The following C1orf185 variants were observed in gnomAD, a reference collection of about 807,000 sequenced individuals.
The protein encoded by C1orf185 is chromosome 1 open reading frame 185, also known as uncharacterized protein C1orf185.
C1orf185 carries 13 observed loss-of-function variants against 16.1 expected under a neutral mutation model. That is an observed-to-expected ratio of 0.81 (90% CI 0.53 to 1.28). The LOEUF (loss-of-function observed/expected upper bound fraction) is 1.28, where lower values mean the gene tolerates loss of function less well. Among genes scored for constraint, C1orf185 ranks in the 50% most tolerant of loss-of-function variants. The probability of loss-of-function intolerance (pLI) is 0.00; values close to 1 mark genes in which losing one functional copy is unlikely to be tolerated. For missense variants in C1orf185, 220 were observed against 225.2 expected (o/e 0.98, Z 0.15); for synonymous variants, 80 against 76.9 (o/e 1.04, Z -0.21).
chr1:51,136,021 G>A (rs1646321377), intron 3 of C1orf185, among the ~76,000 whole-genome samples: 1 of 152,112 alleles, frequency 6.6e-6, no homozygotes, highest in African/African-American at 2.4e-5. Flanking sequence ...CAACAGTCAA[G>A]TTGAGAACCA....
chr1:51,108,338 A>T (rs779011043), intron 1 of C1orf185, among the ~76,000 whole-genome samples: 1 of 152,052 alleles, frequency 6.6e-6, no homozygotes, highest in Non-Finnish European at 1.5e-5. Flanking sequence ...TATGGGGTAC[A>T]GTGTGATATT....
At chr1:51,137,212 C>T (rs1646331780) in intron 3 of C1orf185, among the ~76,000 whole-genome samples, 1 of 152,070 alleles carries the variant, frequency 6.6e-6, no homozygotes, top group Non-Finnish European at 1.5e-5. Context: ...CAATGAGATA[C>T]CATCTCACCA....
intron 1 of C1orf185, among the ~76,000 whole-genome samples, chr1:51,102,681 T>A (rs2148005556): frequency 6.6e-6 from 1 of 152,220 alleles, no homozygotes; most frequent in South Asian, 2.1e-4. Flanking sequence ...TACTAGAGAT[T>A]TGTCCATTTT....
intron 3 of C1orf185, 34 bp from the exon 4 acceptor site, chr1:51,145,690 G>C: frequency 1.7e-6 from 2 of 1,176,148 alleles, no homozygotes; most frequent in Non-Finnish European, 2.3e-6. Context: ...AAATTATTCT[G>C]ATTTTAAAAC....
chr1:51,132,299 G>T (rs115275804), intron 3 of C1orf185, among the ~76,000 whole-genome samples: 16 of 152,268 alleles, frequency 1.1e-4, no homozygotes, highest in African/African-American at 3.9e-4. Context: ...AGATTACTGA[G>T]CTCCAGAAGT....
intron 2 of C1orf185, among the ~76,000 whole-genome samples, chr1:51,114,564 A>C (rs1557644282): frequency 6.6e-6 from 1 of 152,088 alleles, no homozygotes; most frequent in Admixed American, 6.6e-5. Flanking sequence ...CTCTATTAAA[A>C]ACACAAAAAT....
intron 1 of C1orf185, among the ~76,000 whole-genome samples, chr1:51,109,051 G>C (rs985554764): frequency 2.0e-5 from 3 of 151,972 alleles, no homozygotes; most frequent in Non-Finnish European, 2.9e-5. Flanking sequence ...AGTCTATAAG[G>C]GTTCCCCTTT....
At chr1:51,149,677 C>T (rs1051561511), downstream of C1orf185, among the ~76,000 whole-genome samples, 4 of 152,054 alleles carry the variant, frequency 2.6e-5, no homozygotes, top group Non-Finnish European at 4.4e-5. Context: ...GAAATACAAA[C>T]TGGGGAACTA....
intron 1 of C1orf185, among the ~76,000 whole-genome samples, chr1:51,109,218 C>T (rs1013485355): frequency 2.0e-5 from 3 of 151,990 alleles, no homozygotes; most frequent in Non-Finnish European, 2.9e-5. Context: ...TTTGTACGTC[C>T]TTTGAGAAAT....
Position 51,125,231 on chromosome 1 carries a change from G to A in C1orf185, c.258+6430G>A, listed in dbSNP as rs1168894944. Among the ~76,000 whole-genome samples, 3 of 152,278 alleles carry A rather than the reference G, an allele frequency of 2.0e-5. No homozygotes were observed. The East Asian group carries it at 5.8e-4, about 29-fold the overall frequency. On this transcript the variant is annotated intron_variant, in intron 3 of 4. Coordinates refer to ENST00000371759, the MANE Select transcript of C1orf185 (RefSeq NM_001136508.2). Reference sequence around the variant, plus strand: ...GGAAGAGAAAAATTAATGCTCCAATGCCCACCCACAGCATCACATTATCTA... The same window carrying A: ...GGAAGAGAAAAATTAATGCTCCAATACCCACCCACAGCATCACATTATCTA...
chr1:51,116,170 C>T (rs1646156042), intron 2 of C1orf185, among the ~76,000 whole-genome samples: 1 of 152,080 alleles, frequency 6.6e-6, no homozygotes. Context: ...TGCCACCATC[C>T]TATCCAAGTT....
downstream of C1orf185, among the ~76,000 whole-genome samples, chr1:51,151,466 GTAAA>G (rs1209933211): frequency 2.0e-5 from 3 of 152,048 alleles, no homozygotes; most frequent in Admixed American, 2.0e-4. Context: ...TGAAAAAAAA[GTAAA>G]TAAATAAGAA....
At chr1:51,129,330 C>T (rs754930700) in intron 3 of C1orf185, among the ~76,000 whole-genome samples, 1 of 152,166 alleles carries the variant, frequency 6.6e-6, no homozygotes, top group Non-Finnish European at 1.5e-5. Context: ...TAATCACTCC[C>T]TCCCTCCCTT....
intron 3 of C1orf185, among the ~76,000 whole-genome samples, chr1:51,142,305 T>C (rs950972397): frequency 6.6e-6 from 1 of 152,224 alleles, no homozygotes; most frequent in African/African-American, 2.4e-5. Flanking sequence ...TCAGCTTTTC[T>C]TCATCTTTCA....
chr1:51,110,711 G>A (rs367950701), intron 1 of C1orf185, among the ~76,000 whole-genome samples: 6 of 152,174 alleles, frequency 3.9e-5, no homozygotes, highest in Admixed American at 1.3e-4. Context: ...GCTTATGCCT[G>A]TAATCCCAGC....
intron 3 of C1orf185, among the ~76,000 whole-genome samples, chr1:51,144,193 T>C (rs1278242160): frequency 6.6e-6 from 1 of 152,162 alleles, no homozygotes; most frequent in African/African-American, 2.4e-5. Context: ...TAGGCGAGCC[T>C]ATTAGAAATG....
chr1:51,123,355 T>C (rs1646211890), intron 3 of C1orf185, among the ~76,000 whole-genome samples: 1 of 150,970 alleles, frequency 6.6e-6, no homozygotes, highest in Non-Finnish European at 1.5e-5. Flanking sequence ...GCCTAGCCTA[T>C]TTCTTTTTAG....
At chr1:51,117,680 G>T (rs1211592815) in intron 2 of C1orf185, among the ~76,000 whole-genome samples, 1 of 152,026 alleles carries the variant, frequency 6.6e-6, no homozygotes. Flanking sequence ...GTCTTTTCAT[G>T]CCTTAATAGC....
At chr1:51,108,451 C>G (rs1646089689) in intron 1 of C1orf185, among the ~76,000 whole-genome samples, 1 of 152,164 alleles carries the variant, frequency 6.6e-6, no homozygotes, top group Admixed American at 6.5e-5. Flanking sequence ...TTCTTATCTT[C>G]TAGCTATTTT....
Sources: gnomAD v4.1 joint callset for allele counts (sites outside exome capture counted in the v4.1 genomes callset) on GRCh38, gnomAD v4.1.1 for gene constraint, MANE v1.5 for transcripts, NCBI Gene and HGNC (gene_info 2026-07-23, HGNC 2026-07-21) for gene names.